Variants in HADHB observed in about 807,000 individuals in gnomAD.
The protein encoded by HADHB is hydroxyacyl-CoA dehydrogenase trifunctional multienzyme complex subunit beta.
HADHB carries 50 observed loss-of-function variants against 61.9 expected under a neutral mutation model. That is an observed-to-expected ratio of 0.81 (90% confidence interval 0.64 to 1.02). HADHB has a LOEUF of 1.02. Among genes scored for constraint, HADHB ranks in the 50% least tolerant of loss-of-function variants. The pLI is 0.00. For missense variants in HADHB, 504 were observed against 586.5 expected, an observed-to-expected ratio of 0.86 and a Z score of 1.45; for synonymous variants, 191 against 201.6, an observed-to-expected ratio of 0.95 and a Z score of 0.45.
chr2:26,273,771 G>GT, intron 6 of HADHB, 21 bp downstream of exon 6: 1 of 1,177,578 alleles, frequency 8.5e-7, no homozygotes, highest in Non-Finnish European at 1.3e-6. Context: ...CAAACTTTAT[G>GT]TTGTTTAAAG....
chr2:26,273,183 A>G (rs2147819569), intron 5 of HADHB, among the ~76,000 whole-genome samples: 1 of 152,316 alleles, frequency 6.6e-6, no homozygotes, highest in South Asian at 2.1e-4. Flanking sequence ...CACAACTAGA[A>G]TATATGTATT....
intron 4 of HADHB, among the ~76,000 whole-genome samples, chr2:26,263,863 G>A (rs1054195659): frequency 6.6e-6 from 1 of 152,106 alleles, no homozygotes; most frequent in Non-Finnish European, 1.5e-5. Context: ...TAATCCACTG[G>A]TTTGGCCTCC....
chr2:26,273,727 A>G lies in HADHB; in HGVS notation c.331A>G (p.Lys111Glu), dbSNP rs761625703. 3.8e-6 allele frequency: 6 copies of G among 1,596,778 alleles called. No homozygotes were observed. The highest frequency in any genetic ancestry group is 3.3e-5 in the South Asian group (3 of 90,758). The change falls in exon 6 of 16, where the codon AAA (lysine) becomes GAA (glutamate). Residue 111 changes from lysine (K) to glutamate (E), a missense_variant. Physicochemically the swap from Lys to Glu is moderately conservative, Grantham distance 56 (BLOSUM62 1). Transcript: ENST00000317799. ...IIFGTVIQEVKTSNVAREAAL... is the reference protein window; with the variant it reads ...IIFGTVIQEVETSNVAREAAL... ...CTTTGGTACAGTTATTCAGGAAGTGAAAACAAGCAATGTGGCTAGAGAGGT... is the reference window on the plus strand; with the variant it reads ...CTTTGGTACAGTTATTCAGGAAGTGGAAACAAGCAATGTGGCTAGAGAGGT...
intron 7 of HADHB, 72 bp downstream of exon 7, chr2:26,277,232 A>ATT: frequency 3.9e-6 from 2 of 515,456 alleles, no homozygotes; most frequent in South Asian, 2.8e-5. Context: ...ATAAAAATGT[A>ATT]CTTTTTTTTT....
chr2:26,266,359 T>C (rs886406637), intron 4 of HADHB, among the ~76,000 whole-genome samples: 18 of 152,196 alleles, frequency 1.2e-4, no homozygotes. Flanking sequence ...AGGATTGAAG[T>C]ACCAAATGAG....
chr2:26,253,255 T>C (rs1332794708), intron 1 of HADHB, among the ~76,000 whole-genome samples: 1 of 152,060 alleles, frequency 6.6e-6, no homozygotes, highest in Non-Finnish European at 1.5e-5. Flanking sequence ...ATTATATGTT[T>C]TACTTTTTTA....
chr2:26,256,392 A>T (rs903615971), intron 3 of HADHB, among the ~76,000 whole-genome samples: 1 of 152,136 alleles, frequency 6.6e-6, no homozygotes, highest in Admixed American at 6.6e-5. Flanking sequence ...AGCTGTTAGG[A>T]TGAAGGAATT....
intron 1 of HADHB, among the ~76,000 whole-genome samples, chr2:26,252,436 G>A (rs1319673523): frequency 6.6e-6 from 1 of 152,106 alleles, no homozygotes; most frequent in Non-Finnish European, 1.5e-5. Context: ...GGTGTGTGAT[G>A]ACAAGTCTTC....
chr2:26,286,210 CATT>C (rs1007542438), intron 15 of HADHB, among the ~76,000 whole-genome samples: 6 of 152,264 alleles, frequency 3.9e-5, no homozygotes, highest in African/African-American at 1.4e-4. Context: ...CAGACATTAA[CATT>C]ATTAACATCT....
chr2:26,286,029 T>C (rs1399225919), intron 15 of HADHB, among the ~76,000 whole-genome samples: 2 of 152,040 alleles, frequency 1.3e-5, no homozygotes, highest in South Asian at 2.1e-4. Context: ...TGAGCCACCA[T>C]GCCCTGCCAT....
At chr2:26,246,945 TGTGC>T (rs778916973) in intron 1 of HADHB, among the ~76,000 whole-genome samples, 9 of 152,194 alleles carry the variant, frequency 5.9e-5, no homozygotes, top group East Asian at 1.9e-4. Context: ...TGCACGTGGG[TGTGC>T]GTGCGTGTGT....
intron 15 of HADHB, among the ~76,000 whole-genome samples, chr2:26,289,557 T>C (rs527566757): frequency 1.3e-5 from 2 of 152,338 alleles, no homozygotes; most frequent in South Asian, 2.1e-4. Flanking sequence ...CAGCATCCAT[T>C]TGTAGAGCAT....
At chr2:26,270,296 A>T (rs1352908075) in intron 5 of HADHB, among the ~76,000 whole-genome samples, 1 of 152,244 alleles carries the variant, frequency 6.6e-6, no homozygotes, top group African/African-American at 2.4e-5. Flanking sequence ...GTAGATATTT[A>T]CCTAGAAAGA....
chr2:26,266,860 ACACT>A (rs1406322644), intron 4 of HADHB, among the ~76,000 whole-genome samples: 1 of 111,938 alleles, frequency 8.9e-6, no homozygotes, highest in East Asian at 2.0e-4. Context: ...ATGGAGTGAG[ACACT>A]CTCTCTCAAA....
intron 15 of HADHB, among the ~76,000 whole-genome samples, chr2:26,286,421 C>T (rs1451049336): frequency 6.6e-6 from 1 of 152,150 alleles, no homozygotes; most frequent in African/African-American, 2.4e-5. Context: ...TTCTACTTCA[C>T]TTGCATTAGA....
At chr2:26,266,871 C>CTAA (rs1672104507) in intron 4 of HADHB, among the ~76,000 whole-genome samples, 1 of 45,420 alleles carries the variant, frequency 2.2e-5, no homozygotes, top group African/African-American at 9.9e-5. Context: ...CACTCTCTCT[C>CTAA]AAAAAAAAAA....
chr2:26,269,857 C>T (rs1017293905), intron 4 of HADHB, 96 bp from the exon 5 acceptor site: 35 of 816,044 alleles, frequency 4.3e-5, no homozygotes, highest in Middle Eastern at 4.4e-4. Flanking sequence ...TTTGTAGCAG[C>T]ATGTGTTTGA....
At chr2:26,258,034 C>T (rs1310207939) in intron 3 of HADHB, among the ~76,000 whole-genome samples, 1 of 151,976 alleles carries the variant, frequency 6.6e-6, no homozygotes, top group East Asian at 1.9e-4. Context: ...AAAAAGATTT[C>T]TTCCAACTTG....
intron 1 of HADHB, among the ~76,000 whole-genome samples, chr2:26,253,164 CATT>C (rs1671467923): frequency 6.6e-6 from 1 of 150,884 alleles, no homozygotes; most frequent in South Asian, 2.1e-4. Flanking sequence ...TGTAGGAACT[CATT>C]GTTAGAAATT....
Sources: allele counts gnomAD v4.1 joint callset (sites outside exome capture counted in the v4.1 genomes callset), GRCh38; gene constraint gnomAD v4.1.1; transcripts MANE v1.5; gene names NCBI Gene and HGNC (gene_info 2026-07-23, HGNC 2026-07-21).